RTN1: variants seen among roughly 807,000 people sequenced by gnomAD.
RTN1 encodes the protein reticulon 1.
Under a neutral mutation model 65.5 loss-of-function variants are expected in RTN1, and 25 were observed. The observed-to-expected ratio is 0.38, with a 90% CI of 0.28 to 0.53. The LOEUF (loss-of-function observed/expected upper bound fraction) is 0.53, where lower values mean the gene tolerates loss of function less well. Among genes scored for constraint, RTN1 ranks in the 20% least tolerant of loss-of-function variants. RTN1 has a pLI of 0.79. For missense variants in RTN1, 983 were observed against 1,025.4 expected (o/e 0.96, Z 0.57); for synonymous variants, 471 against 447.6 (o/e 1.05, Z -0.66).
intron 3 of RTN1, among the ~76,000 whole-genome samples, chr14:59,674,845 A>T (rs1883588854): frequency 6.6e-6 from 1 of 152,206 alleles, no homozygotes; most frequent in Non-Finnish European, 1.5e-5. Flanking sequence ...AGACAAAGTT[A>T]TCTATACAAA....
chr14:59,721,082 G>A (rs1433220535), intron 3 of RTN1, among the ~76,000 whole-genome samples: 2 of 152,158 alleles, frequency 1.3e-5, no homozygotes, highest in Non-Finnish European at 2.9e-5. Context: ...TTTTAGGACA[G>A]AAGTAATATC....
At chr14:59,712,647 C>A (rs563782503) in intron 3 of RTN1, among the ~76,000 whole-genome samples, 1 of 152,146 alleles carries the variant, frequency 6.6e-6, no homozygotes, top group African/African-American at 2.4e-5. Context: ...TTAGGCCGGG[C>A]GTGGTGGCTC....
At chr14:59,674,530 T>C (rs1883579704) in intron 3 of RTN1, among the ~76,000 whole-genome samples, 2 of 152,184 alleles carry the variant, frequency 1.3e-5, no homozygotes. Flanking sequence ...AGCTACAAAT[T>C]GCCAGGCTCT....
chr14:59,706,880 T>C (rs1756799885), intron 3 of RTN1, among the ~76,000 whole-genome samples: 2 of 152,220 alleles, frequency 1.3e-5, no homozygotes, highest in African/African-American at 4.8e-5. Context: ...TCAAACATAA[T>C]AGTATCTGGT....
At chr14:59,813,773 T>G (rs1886770912) in intron 1 of RTN1, among the ~76,000 whole-genome samples, 1 of 152,274 alleles carries the variant, frequency 6.6e-6, no homozygotes, top group Non-Finnish European at 1.5e-5. Flanking sequence ...TAATGTGTTT[T>G]ATTTTTATTA....
intron 2 of RTN1, among the ~76,000 whole-genome samples, chr14:59,738,106 G>T (rs1885037497): frequency 1.3e-5 from 2 of 152,192 alleles, no homozygotes; most frequent in Admixed American, 1.3e-4. Context: ...CATGGGCAAA[G>T]ATTTCATTAC....
At chr14:59,805,890 T>A (rs925903839) in intron 1 of RTN1, among the ~76,000 whole-genome samples, 2 of 152,164 alleles carry the variant, frequency 1.3e-5, no homozygotes, top group African/African-American at 4.8e-5. Context: ...TGAAGGACTT[T>A]CACAAAATTG....
intron 3 of RTN1, among the ~76,000 whole-genome samples, chr14:59,611,757 A>C (rs1044648575): frequency 2.0e-5 from 3 of 152,194 alleles, no homozygotes; most frequent in Non-Finnish European, 4.4e-5. Context: ...CAGACAGAGA[A>C]TAGGAGGATA....
chr14:59,746,306 G>T lies in RTN1; in HGVS notation c.417C>A (p.Ser139Arg), dbSNP rs1296721864. The change falls in exon 2 of 9, where the codon AGC becomes AGA. Residue 139 changes from serine to arginine, a missense_variant. Physicochemically the swap from Ser to Arg is moderately radical, Grantham distance 110. This residue lies in a region of RTN1 where 818 missense variants were observed against 801.8 expected (regional missense o/e 1.02). Transcript: ENST00000267484. ...KENGHVTISESPEELGTPGPS... is the reference protein window; with the variant it reads ...KENGHVTISERPEELGTPGPS... ...GGCCGGGTGTACCCAGCTCCTCAGGGCTCTCTGAAATGGTGACGTGGCCAT... is the reference window on the plus strand; with the variant it reads ...GGCCGGGTGTACCCAGCTCCTCAGGTCTCTCTGAAATGGTGACGTGGCCAT... The T allele has an allele frequency of 1.2e-6, 2 of 1,613,966 alleles. No homozygotes were observed. Among genetic ancestry groups the T allele is most frequent in the African/African-American group, 1.3e-5 (1 of 74,910 alleles).
In RTN1 at chr14:59,746,090, A is replaced by ATGT. The variant is rs1228475940; in HGVS notation, c.630_632dup (p.Gln210dup). 6.2e-7 allele frequency: 1 copy of ATGT among 1,613,790 alleles called. No individual in the cohort carries two copies. Among genetic ancestry groups the ATGT allele is most frequent in the Admixed American group, 1.7e-5 (1 of 59,960 alleles). ...AGTCTTTATCTTCCAGCTCGGGGTG[A>ATGT]TGTTGTTCTTGGTGCTTCACCTCCT... On this transcript the variant is annotated inframe_insertion, in exon 2 of 9. Coordinates refer to ENST00000267484, the MANE Select transcript of RTN1 (RefSeq NM_021136.3).
chr14:59,680,311 C>A (rs1050885805), intron 3 of RTN1, among the ~76,000 whole-genome samples: 15 of 152,168 alleles, frequency 9.9e-5, no homozygotes, highest in Non-Finnish European at 1.5e-5. Context: ...GTTAGAGAAG[C>A]ATTTCTTTCC....
At chr14:59,708,782 A>G (rs1884353804) in intron 3 of RTN1, among the ~76,000 whole-genome samples, 1 of 152,254 alleles carries the variant, frequency 6.6e-6, no homozygotes. Context: ...GAAGAGAATT[A>G]AAAATAGAAC....
At chr14:59,744,656 A>T (rs1340522402) in intron 2 of RTN1, among the ~76,000 whole-genome samples, 1 of 152,150 alleles carries the variant, frequency 6.6e-6, no homozygotes, top group Non-Finnish European at 1.5e-5. Context: ...ATAAAATGAC[A>T]GTGTTGAGAT....
intron 2 of RTN1, among the ~76,000 whole-genome samples, chr14:59,731,694 T>C (rs1333377707): frequency 1.3e-5 from 2 of 152,168 alleles, no homozygotes; most frequent in Non-Finnish European, 1.5e-5. Context: ...TTCCCAATCG[T>C]TTTTGAGTTC....
rs1566737477 is a variant in RTN1 at position 59,819,414 on chromosome 14, A to ACCCCCCC, written c.241+50969_241+50975dup. Among the ~76,000 whole-genome samples, 4 of 31,858 alleles carry ACCCCCCC rather than the reference A, an allele frequency of 1.3e-4. 1 individual carries two copies. The highest frequency in any genetic ancestry group is 3.0e-4 in the African/African-American group (1 of 3,320). 20.9% of individuals were successfully genotyped at this position (31,858 alleles called of 152,430 possible). On this transcript the variant is annotated intron_variant, in intron 1 of 8. Coordinates refer to ENST00000267484, the MANE Select transcript of RTN1 (RefSeq NM_021136.3). Reference sequence around the variant, plus strand: ...TGATTGGTGCATCCACACCACCACCACCCCCCCCCCACCCCCCACCCCCCC... The same window carrying ACCCCCCC: ...TGATTGGTGCATCCACACCACCACCACCCCCCCCCCCCCCCCCACCCCCCACCCCCCC...
intron 1 of RTN1, among the ~76,000 whole-genome samples, chr14:59,793,395 G>A (rs1215280023): frequency 1.3e-5 from 2 of 152,098 alleles, no homozygotes; most frequent in Non-Finnish European, 1.5e-5. Context: ...ATAAAAGGTG[G>A]GGATGAATTC....
rs140031921 is a variant in RTN1 at position 59,628,098 on chromosome 14, G to A, written c.1766-20606C>T. Among the ~76,000 whole-genome samples the A allele has an allele frequency of 9.8e-3, 1,490 of 152,222 alleles. 14 individuals are homozygous for A. The highest frequency in any genetic ancestry group is 0.035 in the African/African-American group (1,445 of 41,518). On this transcript the variant is annotated intron_variant, in intron 3 of 8. Coordinates refer to ENST00000267484, the MANE Select transcript of RTN1 (RefSeq NM_021136.3). ...GCCTGTAATCCCAACACTTTGGGAG[G>A]CTGAGGCAGGAGGATTGCTTGAGGC...
chr14:59,607,231 T>C (rs942852460), intron 4 of RTN1, 54 bp downstream of exon 4: 1 of 1,508,682 alleles, frequency 6.6e-7, no homozygotes, highest in Non-Finnish European at 9.2e-7. Flanking sequence ...GAAATACAGG[T>C]GAGGGTAAAA....
At chr14:59,750,109 TATATATA>T (rs1320166470) in intron 1 of RTN1, among the ~76,000 whole-genome samples, 3 of 52,948 alleles carry the variant, frequency 5.7e-5, no homozygotes, top group Non-Finnish European at 8.6e-5. Flanking sequence ...TATTATATAT[TATATATA>T]ATATATATTA....
Sources: allele counts gnomAD v4.1 joint callset (sites outside exome capture counted in the v4.1 genomes callset), GRCh38; gene constraint gnomAD v4.1.1; regional missense constraint gnomAD v4.1.1; transcripts MANE v1.5; gene names NCBI Gene and HGNC (gene_info 2026-07-23, HGNC 2026-07-21).